The following CHRM5 variants were observed in gnomAD, a reference collection of about 807,000 sequenced individuals.
CHRM5 encodes the protein muscarinic acetylcholine receptor M5.
CHRM5 carries 18 observed loss-of-function variants against 39.0 expected under a neutral mutation model. That is an observed-to-expected ratio of 0.46 (90% CI 0.32 to 0.68). The LOEUF is 0.68. Ranked by LOEUF, CHRM5 falls within the 30% of genes least tolerant of loss-of-function variation. The pLI, the probability that CHRM5 is intolerant of heterozygous loss-of-function variation, is 0.04. For missense variants in CHRM5, 515 were observed against 651.1 expected (o/e 0.79, Z 2.28); for synonymous variants, 241 against 246.3 (o/e 0.98, Z 0.20).
chr15:33,978,358 A>G (rs1597300084), intron 1 of CHRM5, among the ~76,000 whole-genome samples: 1 of 152,290 alleles, frequency 6.6e-6, no homozygotes, highest in East Asian at 1.9e-4. Context: ...GAAATAAAAC[A>G]TCAAATGAAA....
At chr15:34,024,627 C>A (rs933505764) in intron 1 of CHRM5, among the ~76,000 whole-genome samples, 105 of 147,324 alleles carry the variant, frequency 7.1e-4, no homozygotes, top group African/African-American at 2.6e-3. Context: ...CCGAGGCGGG[C>A]GGATCATGAG....
intron 1 of CHRM5, among the ~76,000 whole-genome samples, chr15:34,011,038 G>A (rs963019872): frequency 6.6e-6 from 1 of 152,094 alleles, no homozygotes; most frequent in Non-Finnish European, 1.5e-5. Context: ...TTTGAAAAGT[G>A]TGCTAGGGCC....
intron 1 of CHRM5, chr15:34,006,933 G>A (rs1859857044): frequency 2.6e-6 from 1 of 390,196 alleles, no homozygotes; most frequent in Non-Finnish European, 3.5e-6. Flanking sequence ...AAAGAACAGA[G>A]CAAATAAAAT....
chr15:34,003,125 A>G, intron 1 of CHRM5: 1 of 1,613,788 alleles, frequency 6.2e-7, no homozygotes, highest in Non-Finnish European at 8.5e-7. Context: ...TATCGATCCC[A>G]GTTAGAGACA....
intron 1 of CHRM5, among the ~76,000 whole-genome samples, chr15:33,971,205 A>C (rs1018140274): frequency 6.6e-6 from 1 of 152,052 alleles, no homozygotes; most frequent in Non-Finnish European, 1.5e-5. Context: ...TTAACAATTA[A>C]AGAGATTCTG....
chr15:34,004,911 G>T (rs1567461530), intron 1 of CHRM5, among the ~76,000 whole-genome samples: 1 of 151,628 alleles, frequency 6.6e-6, no homozygotes, highest in African/African-American at 2.4e-5. Context: ...TCCTTATCAA[G>T]AAAAAAATGA....
At chr15:34,058,555 A>AACAC (rs3027963) in intron 2 of CHRM5, among the ~76,000 whole-genome samples, 13,582 of 143,090 alleles carry the variant, frequency 0.095, 777 homozygotes, top group East Asian at 0.15. Flanking sequence ...CTTTAATTCT[A>AACAC]ACACACACAC....
At position 34,062,893 on chromosome 15, in the gene CHRM5, G is replaced by C. The variant is rs1432811123; in HGVS notation, c.176G>C (p.Ser59Thr). 2.5e-6 allele frequency: 4 copies of C among 1,614,090 alleles called. No homozygotes were observed. Among genetic ancestry groups the C allele is most frequent in the African/African-American group, 2.7e-5 (2 of 74,938 alleles). ...GTCATGATCTCCTTCAAAGTCAACA[G>C]CCAGCTCAAGACAGTTAACAACTAT... The part of the protein sequence containing the change: ...VLVMISFKVN[S>T]QLKTVNNYYL... Residue 59 changes from serine (S) to threonine (T), a missense_variant, in exon 3 of 3, where the codon AGC becomes ACC. Transcript: ENST00000383263.
intron 1 of CHRM5, among the ~76,000 whole-genome samples, chr15:34,019,920 A>G (rs763779948): frequency 6.6e-6 from 1 of 152,238 alleles, no homozygotes; most frequent in African/African-American, 2.4e-5. Flanking sequence ...ATAGAATTGC[A>G]AAGTCTTAAG....
At chr15:33,975,595 G>C (rs1174565730) in intron 1 of CHRM5, among the ~76,000 whole-genome samples, 1 of 152,170 alleles carries the variant, frequency 6.6e-6, no homozygotes, top group Non-Finnish European at 1.5e-5. Flanking sequence ...TGTCATAATA[G>C]AACTCAGAAT....
rs1900456818 is a variant in CHRM5, at chr15:34,064,398, T to G, written c.*82T>G. On this transcript the variant is annotated 3_prime_UTR_variant, in exon 3 of 3. Coordinates refer to ENST00000383263, the MANE Select transcript of CHRM5 (RefSeq NM_012125.4). ...GAGCAAGCTGATTCTGGTTTGTATA[T>G]TTTCAAAAAGAAGACATCTCATTTT... 2 of 1,444,448 alleles carry G rather than the reference T, an allele frequency of 1.4e-6. No individual in the cohort carries two copies. The highest frequency in any genetic ancestry group is 1.8e-6 in the Non-Finnish European group (2 of 1,089,458). 89.5% of individuals were successfully genotyped at this position (1,444,448 alleles called of 1,614,324 possible).
At chr15:33,989,344 T>C (rs1896617241) in intron 1 of CHRM5, among the ~76,000 whole-genome samples, 1 of 152,136 alleles carries the variant, frequency 6.6e-6, no homozygotes, top group Non-Finnish European at 1.5e-5. Flanking sequence ...TCTTAGCTTT[T>C]GTATAGAACT....
At chr15:34,027,173 T>C (rs1898517064) in intron 1 of CHRM5, among the ~76,000 whole-genome samples, 1 of 152,126 alleles carries the variant, frequency 6.6e-6, no homozygotes, top group African/African-American at 2.4e-5. Flanking sequence ...TAAATCTCAG[T>C]ATGAACAGTA....
chr15:34,023,005 G>A lies in CHRM5; in HGVS notation c.-407-23535G>A, dbSNP rs566129152. ...GTTCAAGACTAGCTTGGCCAACATG[G>A]TGAAACCCCCATCTCTACTAAAAAC... On this transcript the variant is annotated intron_variant, in intron 1 of 2. Coordinates refer to ENST00000383263, the MANE Select transcript of CHRM5 (RefSeq NM_012125.4). 3.8e-4 allele frequency among the ~76,000 whole-genome samples: 58 copies of A among 152,318 alleles called. 1 individual carries two copies. In the South Asian group the frequency reaches 0.011, roughly 30 times the overall value.
At position 33,999,792 on chromosome 15, in the gene CHRM5, G is replaced by A. The variant is rs138912949; in HGVS notation, c.-408+30642G>A. ...CAGTGGCTTCCTAACTAGTCTACCC[G>A]CTCCCCTCTTGCCAGTCTTCAGTTC... On this transcript the variant is annotated intron_variant, in intron 1 of 2. Transcript: ENST00000383263. Among the ~76,000 whole-genome samples the A allele has an allele frequency of 6.3e-3, 953 of 152,136 alleles. 10 individuals carry two copies. Among genetic ancestry groups the A allele is most frequent in the African/African-American group, 0.02 (841 of 41,492 alleles).
At chr15:34,010,985 C>T (rs1447468048) in intron 1 of CHRM5, among the ~76,000 whole-genome samples, 4 of 152,140 alleles carry the variant, frequency 2.6e-5, no homozygotes, top group Non-Finnish European at 4.4e-5. Flanking sequence ...TAGAAAAACT[C>T]ATAAACCATC....
intron 2 of CHRM5, among the ~76,000 whole-genome samples, chr15:34,055,424 G>T (rs1476803852): frequency 6.6e-6 from 1 of 152,064 alleles, no homozygotes; most frequent in Non-Finnish European, 1.5e-5. Context: ...AGAATCTCCT[G>T]GATCCGGGAG....
chr15:33,978,427 C>A (rs1895988361), intron 1 of CHRM5, among the ~76,000 whole-genome samples: 1 of 152,024 alleles, frequency 6.6e-6, no homozygotes, highest in Non-Finnish European at 1.5e-5. Context: ...ACTTTAGGAG[C>A]CCGAGGTGGG....
intron 2 of CHRM5, among the ~76,000 whole-genome samples, chr15:34,048,755 C>G (rs1899820892): frequency 6.6e-6 from 1 of 152,212 alleles, no homozygotes; most frequent in African/African-American, 2.4e-5. Flanking sequence ...TGACTGACAC[C>G]TCCCAAAAGG....
Sources: gnomAD v4.1 joint callset for allele counts (sites outside exome capture counted in the v4.1 genomes callset) on GRCh38, gnomAD v4.1.1 for gene constraint, MANE v1.5 for transcripts, NCBI Gene and HGNC (gene_info 2026-07-23, HGNC 2026-07-21) for gene names.